The following ARHGAP17 variants were observed in gnomAD, a reference collection of about 807,000 sequenced individuals.
The protein encoded by ARHGAP17 is Rho GTPase activating protein 17, also known as rho GTPase-activating protein 17.
In ARHGAP17, 57 loss-of-function variants were observed where a neutral mutation model predicts 99.5. That is an observed-to-expected ratio of 0.57 (90% CI 0.46 to 0.71). The LOEUF is 0.71. ARHGAP17 is among the 30% of genes least tolerant of loss of function. The pLI is 0.00. For synonymous variants in ARHGAP17, 417 were observed against 429.6 expected, an observed-to-expected ratio of 0.97 and a Z score of 0.36; for missense variants, 1,000 against 1,122.4, an observed-to-expected ratio of 0.89 and a Z score of 1.56.
intron 4 of ARHGAP17, among the ~76,000 whole-genome samples, chr16:24,969,334 C>T (rs940673022): frequency 5.3e-5 from 8 of 152,270 alleles, no homozygotes; most frequent in Middle Eastern, 3.4e-3. Flanking sequence ...CCTTTCCTTC[C>T]CCTCCACCCC....
chr16:24,922,782 C>T (rs538064483), intron 19 of ARHGAP17, among the ~76,000 whole-genome samples: 1 of 151,960 alleles, frequency 6.6e-6, no homozygotes, highest in African/African-American at 2.4e-5. Flanking sequence ...CTCAACTGAT[C>T]CTCCCACCTC....
rs950990550 is a variant in ARHGAP17 at position 24,959,717 on chromosome 16, T to C, written c.678A>G (p.Ala226=). 1.5e-5 allele frequency: 25 copies of C among 1,614,056 alleles called. No individual in the cohort carries two copies. The highest frequency in any genetic ancestry group is 4.0e-5 in the African/African-American group (3 of 74,920). The stretch of plus-strand genomic sequence containing the variant: ...GGAGGGTCTTTTCTAAGACTGCTAA[T>C]GCTTTTCTATGGTAATCTGCTTGGG... ...LEAQADYHRK[A]LAVLEKTLPE... is the part of the protein sequence containing the mutation. Residue 226 remains alanine, a synonymous_variant, in exon 9 of 20, where the codon GCA becomes GCG. Coordinates refer to ENST00000289968, the MANE Select transcript of ARHGAP17 (RefSeq NM_001006634.3).
chr16:24,938,317 T>C (rs529483931), intron 17 of ARHGAP17, among the ~76,000 whole-genome samples: 5 of 151,786 alleles, frequency 3.3e-5, no homozygotes, highest in Non-Finnish European at 7.4e-5. Context: ...TGAACCGAGA[T>C]TGCACCACTG....
chr16:24,978,892 A>G, intron 2 of ARHGAP17, 74 bp downstream of exon 2: 2 of 885,834 alleles, frequency 2.3e-6, no homozygotes, highest in Non-Finnish European at 3.4e-6. Flanking sequence ...AAAAGCCCAC[A>G]GGCCTCAATT....
intron 1 of ARHGAP17, among the ~76,000 whole-genome samples, chr16:25,009,274 G>A (rs1282166457): frequency 2.6e-5 from 4 of 151,726 alleles, no homozygotes; most frequent in African/African-American, 9.7e-5. Context: ...GGCTGAGGAA[G>A]GAGAATCGCT....
intron 3 of ARHGAP17, among the ~76,000 whole-genome samples, chr16:24,973,528 G>A (rs2052429034): frequency 6.6e-6 from 1 of 152,192 alleles, no homozygotes; most frequent in Non-Finnish European, 1.5e-5. Context: ...AAAGCATTAG[G>A]TTTCAGAAAT....
intron 9 of ARHGAP17, among the ~76,000 whole-genome samples, chr16:24,958,290 CTT>C (rs755080946): frequency 3.5e-4 from 54 of 152,288 alleles, no homozygotes; most frequent in Non-Finnish European, 6.8e-4. Context: ...CGTTTTTCCT[CTT>C]GTTAATCAAC....
intron 3 of ARHGAP17, among the ~76,000 whole-genome samples, chr16:24,971,655 TC>T (rs2052367766): frequency 1.3e-5 from 2 of 152,346 alleles, no homozygotes; most frequent in Non-Finnish European, 2.9e-5. Flanking sequence ...TGGCTATCAT[TC>T]TAAAATGTAG....
chr16:24,941,181 C>T (rs981975014), intron 16 of ARHGAP17, among the ~76,000 whole-genome samples: 5 of 152,168 alleles, frequency 3.3e-5, no homozygotes, highest in African/African-American at 1.2e-4. Context: ...GCACACCTCA[C>T]TATAAGACTG....
intron 4 of ARHGAP17, among the ~76,000 whole-genome samples, chr16:24,969,358 T>C (rs953961608): frequency 6.6e-6 from 1 of 152,116 alleles, no homozygotes; most frequent in African/African-American, 2.4e-5. Flanking sequence ...AAGCTCTCTA[T>C]GGGGTTTTTT....
chr16:25,007,549 A>G (rs2053540046), intron 1 of ARHGAP17, among the ~76,000 whole-genome samples: 2 of 152,072 alleles, frequency 1.3e-5, no homozygotes, highest in Non-Finnish European at 1.5e-5. Flanking sequence ...TTGCGTGTGT[A>G]GAGACAGGAT....
intron 1 of ARHGAP17, among the ~76,000 whole-genome samples, chr16:24,990,853 AGCAACAGCTG>A (rs2053019618): frequency 6.7e-6 from 1 of 149,962 alleles, no homozygotes; most frequent in Admixed American, 6.7e-5. Flanking sequence ...AGGTTCAGGT[AGCAACAGCTG>A]GCAGGTGGCA....
At position 24,964,403 on chromosome 16, in the gene ARHGAP17, T is replaced by C. The variant is rs551694882; in HGVS notation, c.462-95A>G. ...GGTGGAGATAGATCCTTCCCCACAATTGATTCTACCTGGAAGGGGTATCAT... is the reference window on the plus strand; with the variant it reads ...GGTGGAGATAGATCCTTCCCCACAACTGATTCTACCTGGAAGGGGTATCAT... On this transcript the variant is annotated intron_variant, in intron 6 of 19. Coordinates refer to ENST00000289968, the MANE Select transcript of ARHGAP17 (RefSeq NM_001006634.3). 284 of 829,662 alleles carry C rather than the reference T, an allele frequency of 3.4e-4. 1 individual carries two copies. The Middle Eastern group carries it at 4.2e-3, about 12-fold the overall frequency. The allele number at this position is 829,662 out of a possible 1,614,324, so 51.4% of individuals were successfully genotyped here.
chr16:24,930,485 G>A (rs953443139), intron 19 of ARHGAP17, among the ~76,000 whole-genome samples: 24 of 152,174 alleles, frequency 1.6e-4, no homozygotes, highest in African/African-American at 5.6e-4. Context: ...TCAGGGGTCG[G>A]CAAACTTAAA....
rs374143933 is a variant in ARHGAP17, at chr16:24,970,516, G to A, written c.263C>T (p.Ser88Phe). ...MQEASTQLED[S>F]LLGKMLETCG... ...AGGCAGCAACTCTTACCCCAGGAGAGAGTCTTCCAGCTGAGTCGATGCTTC... is the reference window on the plus strand; with the variant it reads ...AGGCAGCAACTCTTACCCCAGGAGAAAGTCTTCCAGCTGAGTCGATGCTTC... The change falls in exon 4 of 20, where the codon TCT becomes TTT. Residue 88 changes from serine (S) to phenylalanine (F), a missense_variant. Coordinates refer to ENST00000289968, the MANE Select transcript of ARHGAP17 (RefSeq NM_001006634.3). 2.0e-5 allele frequency: 33 copies of A among 1,613,974 alleles called. No homozygotes were observed. The highest frequency in any genetic ancestry group is 2.5e-5 in the Non-Finnish European group (29 of 1,179,948).
At chr16:24,960,820 GA>G (rs917056333) in intron 7 of ARHGAP17, among the ~76,000 whole-genome samples, 66 of 126,614 alleles carry the variant, frequency 5.2e-4, no homozygotes, top group African/African-American at 8.9e-4. Context: ...CGTCTCCAAA[GA>G]AAAAAAAAAA....
chr16:24,935,435 C>A (rs1467959343), intron 18 of ARHGAP17, 35 bp downstream of exon 18: 3 of 1,554,266 alleles, frequency 1.9e-6, no homozygotes, highest in South Asian at 2.4e-5. Context: ...TCTGCACAGG[C>A]TTCCCTGAGG....
chr16:24,978,855 C>G, intron 2 of ARHGAP17, 111 bp downstream of exon 2: 1 of 710,066 alleles, frequency 1.4e-6, no homozygotes, highest in Non-Finnish European at 2.1e-6. Flanking sequence ...TAATTTTATT[C>G]TGTTTCTGGT....
chr16:25,015,263 G>C lies in ARHGAP17; in HGVS notation c.-2C>G. Reference sequence around the variant, plus strand: ...CATGCGGTTGAACTGCTTCTTCATGGCGGCGGTGGCGGCGGCGGCCCGCGG... The same window carrying C: ...CATGCGGTTGAACTGCTTCTTCATGCCGGCGGTGGCGGCGGCGGCCCGCGG... On this transcript the variant is annotated 5_prime_UTR_variant, in exon 1 of 20. Coordinates refer to ENST00000289968, the MANE Select transcript of ARHGAP17 (RefSeq NM_001006634.3). 1 of 1,341,574 alleles carries C rather than the reference G, an allele frequency of 7.5e-7. No homozygotes were observed. Among genetic ancestry groups the C allele is most frequent in the Admixed American group, 3.0e-5 (1 of 33,078 alleles). 83.1% of individuals were successfully genotyped at this position (1,341,574 alleles called of 1,614,324 possible). A position where few individuals can be genotyped will look rare whatever the true frequency, so the allele number is the denominator to read the frequency against.
Sources: allele counts gnomAD v4.1 joint callset (sites outside exome capture counted in the v4.1 genomes callset), GRCh38; gene constraint gnomAD v4.1.1; transcripts MANE v1.5; gene names NCBI Gene and HGNC (gene_info 2026-07-23, HGNC 2026-07-21).